Variants in CST3 observed in about 807,000 individuals in gnomAD.
CST3 encodes cystatin-C.
A neutral mutation model predicts 9.0 loss-of-function variants in CST3; 14 were observed. The observed-to-expected ratio is 1.56, with a 90% CI of 1.03 to 2.44. CST3 has a LOEUF of 2.44. CST3 is among the 30% of genes most tolerant of loss of function. CST3 has a pLI of 0.00. For synonymous variants in CST3, 96 were observed against 90.2 expected (o/e 1.06, Z -0.37); for missense variants, 237 against 204.3 (o/e 1.16, Z -0.98).
chr20:23,635,404 G>A (rs756382637), intron 1 of CST3, 37 bp from the exon 2 acceptor site: 22 of 1,556,486 alleles, frequency 1.4e-5, no homozygotes, highest in Admixed American at 3.5e-5. Context: ...GGGACAGCAC[G>A]TTCTGTCAGT....
chr20:23,637,694 C>T lies in CST3; in HGVS notation c.169G>A (p.Val57Ile), dbSNP rs1454344635. Residue 57 changes from valine to isoleucine, a missense_variant, in exon 1 of 3, where the codon GTC becomes ATC. Val to Ile is a conservative substitution (Grantham distance 29, BLOSUM62 3). Coordinates refer to ENST00000376925, the MANE Select transcript of CST3 (RefSeq NM_000099.4). ...EGVRRALDFAVGEYNKASNDM... is the reference protein window; with the variant it reads ...EGVRRALDFAIGEYNKASNDM... ...TTGCTGGCTTTGTTGTACTCGCCGACGGCAAAGTCCAGTGCACGCCGCACA... is the reference window on the plus strand; with the variant it reads ...TTGCTGGCTTTGTTGTACTCGCCGATGGCAAAGTCCAGTGCACGCCGCACA... 1.3e-6 allele frequency: 2 copies of T among 1,543,134 alleles called. No homozygotes were observed. The highest frequency in any genetic ancestry group is 2.0e-5 in the Admixed American group (1 of 50,986).
Position 23,637,741 on chromosome 20 carries a change from T to C in CST3, c.122A>G (p.Asp41Gly), listed in dbSNP as rs746476969. ...CACACCCTCCTCCTCCACGCTGGCGTCCATGGGGCCTCCCACTAGGCGCGG... is the reference window on the plus strand; with the variant it reads ...CACACCCTCCTCCTCCACGCTGGCGCCCATGGGGCCTCCCACTAGGCGCGG... ...KPPRLVGGPM[D>G]ASVEEEGVRR... is the part of the protein sequence containing the mutation. Residue 41 changes from aspartate (D) to glycine (G), a missense_variant, in exon 1 of 3, where the codon GAC becomes GGC. Coordinates refer to ENST00000376925, the MANE Select transcript of CST3 (RefSeq NM_000099.4). 33 of 1,539,062 alleles carry C rather than the reference T, an allele frequency of 2.1e-5. No individual in the cohort carries two copies. The highest frequency in any genetic ancestry group is 2.8e-5 in the Non-Finnish European group (32 of 1,143,854).
At chr20:23,634,033 G>A (rs1568703427) in intron 2 of CST3, 34 bp from the exon 3 acceptor site, 1 of 1,575,746 alleles carries the variant, frequency 6.3e-7, no homozygotes, top group Non-Finnish European at 8.7e-7. Context: ...AATCAGTGTG[G>A]GTTACAGTTC....
At chr20:23,630,249 T>C (rs536916627), downstream of CST3, among the ~76,000 whole-genome samples, 1 of 152,278 alleles carries the variant, frequency 6.6e-6, no homozygotes, top group South Asian at 2.1e-4. Context: ...AGTGACGCCA[T>C]GTACAGCCAA....
At chr20:23,637,441 A>G (rs1979721830) in intron 1 of CST3, among the ~76,000 whole-genome samples, 179 bp downstream of exon 1, 1 of 152,064 alleles carries the variant, frequency 6.6e-6, no homozygotes, top group Non-Finnish European at 1.5e-5. Flanking sequence ...GCCAGGCCAG[A>G]CTCAGGGCAT....
At chr20:23,635,401 C>A (rs750635750) in intron 1 of CST3, 34 bp from the exon 2 acceptor site, 1 of 1,569,234 alleles carries the variant, frequency 6.4e-7, no homozygotes, top group South Asian at 1.1e-5. Flanking sequence ...GCAGGGACAG[C>A]ACGTTCTGTC....
downstream of CST3, chr20:23,629,017 ACAGT>A (rs777723317): frequency 3.3e-5 from 5 of 152,116 alleles, no homozygotes; most frequent in Admixed American, 6.5e-5. Flanking sequence ...CACTTATCAC[ACAGT>A]CAAACAAAAT....
chr20:23,635,396 G>T, intron 1 of CST3, 29 bp from the exon 2 acceptor site: 1 of 1,583,990 alleles, frequency 6.3e-7, no homozygotes, highest in Non-Finnish European at 8.6e-7. Flanking sequence ...AGGAGGCAGG[G>T]ACAGCACGTT....
downstream of CST3, chr20:23,629,588 T>G (rs1029094880): frequency 6.6e-6 from 1 of 152,128 alleles, no homozygotes; most frequent in Middle Eastern, 3.1e-3. Context: ...CCTTGATGGG[T>G]GTGGGGAAGT....
downstream of CST3, chr20:23,629,424 T>C (rs774282089): frequency 1.3e-5 from 2 of 152,254 alleles, no homozygotes; most frequent in African/African-American, 2.4e-5. Flanking sequence ...CTGGTAGCCA[T>C]TCAGGAAAGG....
chr20:23,636,170 G>T (rs3787499), intron 1 of CST3, among the ~76,000 whole-genome samples: 2 of 152,110 alleles, frequency 1.3e-5, no homozygotes, highest in African/African-American at 4.8e-5. Context: ...GCAGGCCAGC[G>T]GGGACCCTAC....
chr20:23,637,126 G>T (rs1187960748), intron 1 of CST3, among the ~76,000 whole-genome samples: 1 of 152,216 alleles, frequency 6.6e-6, no homozygotes, highest in East Asian at 1.9e-4. Context: ...GATCTACAGG[G>T]ATGCCCTGTG....
At chr20:23,626,870 A>G (rs903334481) in exon 4 of CST3, 23 of 152,166 alleles carry the variant, frequency 1.5e-4, no homozygotes, top group African/African-American at 5.3e-4. Flanking sequence ...GCATTTGCAC[A>G]TTGGCTTGTA....
At chr20:23,631,456 G>A (rs1422974623), downstream of CST3, among the ~76,000 whole-genome samples, 1 of 152,200 alleles carries the variant, frequency 6.6e-6, no homozygotes, top group Non-Finnish European at 1.5e-5. Context: ...AGGGTCTGGG[G>A]GTAATGGGGT....
At chr20:23,628,813 C>T (rs1347867298), downstream of CST3, 1 of 152,222 alleles carries the variant, frequency 6.6e-6, no homozygotes, top group African/African-American at 2.4e-5. Flanking sequence ...ATTGCAGCCT[C>T]AAACTGCTGA....
exon 4 of CST3, chr20:23,626,915 G>C (rs574556941): frequency 6.6e-6 from 1 of 152,148 alleles, no homozygotes; most frequent in Non-Finnish European, 1.5e-5. Context: ...TAATTTTGTC[G>C]AGGCTTGACT....
chr20:23,627,958 C>T (rs1979312419), exon 4 of CST3: 1 of 151,610 alleles, frequency 6.6e-6, no homozygotes, highest in Non-Finnish European at 1.5e-5. Flanking sequence ...ATTGGGTTAC[C>T]AGTCTTATTG....
chr20:23,635,423 C>T (rs1352653387), intron 1 of CST3, 56 bp from the exon 2 acceptor site: 1 of 1,449,832 alleles, frequency 6.9e-7, no homozygotes, highest in Middle Eastern at 1.7e-4. Context: ...GTTTCTTACA[C>T]ACACAGGCAC....
At chr20:23,634,320 C>A (rs1029840637) in intron 2 of CST3, among the ~76,000 whole-genome samples, 1 of 152,178 alleles carries the variant, frequency 6.6e-6, no homozygotes, top group Non-Finnish European at 1.5e-5. Context: ...CAGGGGGAGG[C>A]AGCTCACTGC....
Sources: gnomAD v4.1 joint callset for allele counts (sites outside exome capture counted in the v4.1 genomes callset) on GRCh38, gnomAD v4.1.1 for gene constraint, MANE v1.5 for transcripts, NCBI Gene and HGNC (gene_info 2026-07-23, HGNC 2026-07-21) for gene names.